LOXL2: variants seen among roughly 807,000 people sequenced by gnomAD.
The protein encoded by LOXL2 is lysyl oxidase like 2.
LOXL2 carries 70 observed loss-of-function variants against 93.0 expected under a neutral mutation model. The observed-to-expected ratio is 0.75, with a 90% confidence interval of 0.62 to 0.92. The LOEUF is 0.92. Among genes scored for constraint, LOXL2 ranks in the 40% least tolerant of loss-of-function variants. The pLI is 0.00. For missense variants in LOXL2, 973 were observed against 1,054.9 expected (o/e 0.92, Z 1.08); for synonymous variants, 438 against 413.2 (o/e 1.06, Z -0.73).
chr8:23,367,347 C>T (rs1348603540), intron 2 of LOXL2, among the ~76,000 whole-genome samples: 2 of 152,160 alleles, frequency 1.3e-5, no homozygotes, highest in Non-Finnish European at 2.9e-5. Flanking sequence ...CTGCGCCTGG[C>T]CAGCTCTTAA....
At chr8:23,309,311 C>T (rs1803284229) in intron 10 of LOXL2, among the ~76,000 whole-genome samples, 1 of 152,166 alleles carries the variant, frequency 6.6e-6, no homozygotes, top group African/African-American at 2.4e-5. Flanking sequence ...ATTTAGAGTC[C>T]AGCAACTGCA....
chr8:23,301,514 A>G (rs1365221738), intron 12 of LOXL2, among the ~76,000 whole-genome samples: 1 of 152,208 alleles, frequency 6.6e-6, no homozygotes, highest in Non-Finnish European at 1.5e-5. Context: ...TGCATTGAGA[A>G]TGGCCCCTTC....
intron 12 of LOXL2, 124 bp from the exon 13 acceptor site, chr8:23,299,071 G>T (rs1316171575): frequency 4.8e-6 from 3 of 625,514 alleles, no homozygotes; most frequent in Non-Finnish European, 8.8e-6. Context: ...GACCCAAGAC[G>T]GGGGTCTGTG....
intron 1 of LOXL2, among the ~76,000 whole-genome samples, chr8:23,371,602 A>G (rs111770508): frequency 0.26 from 39,084 of 150,870 alleles, 5,386 homozygotes; most frequent in African/African-American, 0.37. Context: ...AATACAAAAA[A>G]TTAGCCGGGC....
intron 3 of LOXL2, among the ~76,000 whole-genome samples, chr8:23,348,476 G>A (rs1804030962): frequency 6.6e-6 from 1 of 152,184 alleles, no homozygotes; most frequent in Non-Finnish European, 1.5e-5. Context: ...GCTGAGGTGG[G>A]AGAATCACTT....
At chr8:23,395,860 G>A (rs986276476) in intron 1 of LOXL2, among the ~76,000 whole-genome samples, 2 of 151,984 alleles carry the variant, frequency 1.3e-5, no homozygotes, top group Non-Finnish European at 2.9e-5. Context: ...TTTTAGTAGA[G>A]ATGGGGTTTT....
At chr8:23,352,164 C>T (rs1585365404) in intron 3 of LOXL2, among the ~76,000 whole-genome samples, 1 of 152,282 alleles carries the variant, frequency 6.6e-6, no homozygotes, top group South Asian at 2.1e-4. Flanking sequence ...AGAGACAAAA[C>T]CCAGGAGAGC....
chr8:23,376,133 G>A (rs1037995630), intron 1 of LOXL2, among the ~76,000 whole-genome samples: 1 of 152,130 alleles, frequency 6.6e-6, no homozygotes, highest in African/African-American at 2.4e-5. Context: ...AATTTATTGA[G>A]AATTTTTAGC....
At chr8:23,308,581 C>G (rs1258970773) in intron 10 of LOXL2, among the ~76,000 whole-genome samples, 1 of 152,158 alleles carries the variant, frequency 6.6e-6, no homozygotes, top group Non-Finnish European at 1.5e-5. Flanking sequence ...CAGTTCAGGT[C>G]TGAGCAAAAA....
chr8:23,319,802 C>T lies in LOXL2; in HGVS notation c.1470+83G>A, dbSNP rs141930655. 230 of 1,443,376 alleles carry T rather than the reference C, an allele frequency of 1.6e-4. 2 individuals carry two copies. The African/African-American group carries it at 2.5e-3, about 16-fold the overall frequency. 89.4% of individuals were successfully genotyped at this position (1,443,376 alleles called of 1,614,324 possible). A position where few individuals can be genotyped will look rare whatever the true frequency, so the allele number is the denominator to read the frequency against. On this transcript the variant is annotated intron_variant, in intron 8 of 13. Coordinates refer to ENST00000389131, the MANE Select transcript of LOXL2 (RefSeq NM_002318.3). ...CCTGCCTGCACGGCTAGGGAGGGTA[C>T]GTGGGAGAGGGGGGCTGACTGAAGA...
At chr8:23,393,147 G>A (rs975564402) in intron 1 of LOXL2, among the ~76,000 whole-genome samples, 4 of 152,308 alleles carry the variant, frequency 2.6e-5, no homozygotes, top group East Asian at 3.9e-4. Flanking sequence ...ATTGATCTAC[G>A]AATTCAACAC....
At chr8:23,397,632 G>C (rs1800106570) in intron 1 of LOXL2, among the ~76,000 whole-genome samples, 1 of 152,054 alleles carries the variant, frequency 6.6e-6, no homozygotes, top group Non-Finnish European at 1.5e-5. Context: ...GAAAACATTA[G>C]CTGGGTATGG....
chr8:23,315,006 G>C (rs543248864), intron 9 of LOXL2, among the ~76,000 whole-genome samples: 40 of 152,284 alleles, frequency 2.6e-4, no homozygotes, highest in African/African-American at 7.5e-4. Flanking sequence ...CGAGCCCCTG[G>C]TCACGGAAGT....
intron 3 of LOXL2, among the ~76,000 whole-genome samples, chr8:23,353,315 A>G (rs139598230): frequency 1.1e-3 from 171 of 152,340 alleles, no homozygotes; most frequent in African/African-American, 3.9e-3. Context: ...TGCCAGGTTT[A>G]AAAGAGATCT....
At chr8:23,317,887 G>A (rs1803427519) in intron 8 of LOXL2, among the ~76,000 whole-genome samples, 1 of 123,188 alleles carries the variant, frequency 8.1e-6, no homozygotes, top group South Asian at 3.0e-4. Context: ...GCTGAGGCAG[G>A]ATTAGAGCTC....
At chr8:23,336,241 A>T (rs1803789261) in intron 4 of LOXL2, 2 of 152,342 alleles carry the variant, frequency 1.3e-5, no homozygotes, top group Admixed American at 6.5e-5. Flanking sequence ...GTTCTAAATG[A>T]AGAGTGCAGA....
intron 4 of LOXL2, among the ~76,000 whole-genome samples, 184 bp from the exon 5 acceptor site, chr8:23,333,807 C>T (rs974316553): frequency 1.4e-4 from 21 of 152,242 alleles, no homozygotes; most frequent in African/African-American, 4.8e-4. Flanking sequence ...CTGCACCACA[C>T]TAGGCACTGG....
chr8:23,338,768 C>T (rs865988690), intron 4 of LOXL2, among the ~76,000 whole-genome samples: 5 of 152,324 alleles, frequency 3.3e-5, no homozygotes, highest in South Asian at 2.1e-4. Flanking sequence ...TTCTGAGCAG[C>T]GCCCATGGAT....
intron 6 of LOXL2, among the ~76,000 whole-genome samples, chr8:23,326,753 A>T (rs1405495477): frequency 1.3e-5 from 2 of 152,152 alleles, no homozygotes; most frequent in Non-Finnish European, 2.9e-5. Flanking sequence ...TCTCCAAAAA[A>T]GATCCAGGGG....
Sources: allele counts gnomAD v4.1 joint callset (sites outside exome capture counted in the v4.1 genomes callset), GRCh38; gene constraint gnomAD v4.1.1; transcripts MANE v1.5; gene names NCBI Gene and HGNC (gene_info 2026-07-23, HGNC 2026-07-21).